The following GANC variants were observed in gnomAD, a reference collection of about 807,000 sequenced individuals.
The protein encoded by GANC is neutral alpha-glucosidase C.
Under a neutral mutation model 124.2 loss-of-function variants are expected in GANC, and 117 were observed. The observed-to-expected ratio is 0.94, with a 90% CI of 0.81 to 1.10. GANC has a LOEUF of 1.10. GANC is among the 50% of genes least tolerant of loss of function. The probability of loss-of-function intolerance (pLI) is 0.00; values close to 1 mark genes in which losing one functional copy is unlikely to be tolerated. For synonymous variants in GANC, 377 were observed against 376.8 expected, an observed-to-expected ratio of 1.00 and a Z score of -0.01; for missense variants, 1,140 against 1,095.0, an observed-to-expected ratio of 1.04 and a Z score of -0.58.
At chr15:42,335,279 C>G (rs2412703) in intron 15 of GANC, among the ~76,000 whole-genome samples, 42,504 of 151,914 alleles carry the variant, frequency 0.28, 8,752 homozygotes, top group African/African-American at 0.58. Flanking sequence ...GATCAAGAAG[C>G]CTTTATCATT....
chr15:42,305,503 G>T (rs548157565), intron 6 of GANC, among the ~76,000 whole-genome samples: 1 of 152,368 alleles, frequency 6.6e-6, no homozygotes, highest in South Asian at 2.1e-4. Context: ...GTTGGTGGGA[G>T]TGTAAATTAG....
At position 42,326,348 on chromosome 15, in the gene GANC, A is replaced by G. The variant is rs191379575; in HGVS notation, c.1344A>G (p.Val448=). Residue 448 remains valine, a synonymous_variant, in exon 12 of 24, where the codon GTA becomes GTG. Transcript: ENST00000318010. ...PHIKIDPDYS[V]YVKAKDQGFF... ...TCAAGATTGATCCTGACTACTCAGT[A>G]TATGTGAAGGCCAAAGATCAGGGCT... The G allele has an allele frequency of 1.9e-6, 3 of 1,614,126 alleles. No homozygotes were observed. The highest frequency in any genetic ancestry group is 2.2e-5 in the East Asian group (1 of 44,872).
chr15:42,313,775 A>G (rs1180713765), intron 10 of GANC: 2 of 386,106 alleles, frequency 5.2e-6, no homozygotes, highest in Non-Finnish European at 9.4e-6. Flanking sequence ...TCTGTTTATA[A>G]TGGTGACATG....
At chr15:42,306,671 C>A in intron 7 of GANC, 59 bp downstream of exon 7, 1 of 1,214,110 alleles carries the variant, frequency 8.2e-7, no homozygotes, top group Non-Finnish European at 1.2e-6. Context: ...CTACATAATT[C>A]TATCAAAAAG....
intron 10 of GANC, among the ~76,000 whole-genome samples, chr15:42,315,567 A>G (rs1298024916): frequency 6.6e-6 from 1 of 152,228 alleles, no homozygotes; most frequent in East Asian, 1.9e-4. Context: ...CATTGCAGAA[A>G]AGTTTGGCAT....
chr15:42,348,356 G>T lies in GANC; in HGVS notation c.2418+140G>T, dbSNP rs550268918. ...AGGTTTGAATCATTTCTGAATCATT[G>T]TTCAGCTTGTCTGCCTTCCTTGGAA... On this transcript the variant is annotated intron_variant, in intron 21 of 23. Transcript: ENST00000318010. 5 of 619,142 alleles carry T rather than the reference G, an allele frequency of 8.1e-6. No individual in the cohort carries two copies. In the South Asian group the frequency reaches 1.0e-4, roughly 13 times the overall value. The allele number at this position is 619,142 out of a possible 1,614,324, so 38.4% of individuals were successfully genotyped here.
chr15:42,330,762 T>C, intron 15 of GANC, 90 bp downstream of exon 15: 3 of 639,174 alleles, frequency 4.7e-6, no homozygotes, highest in Non-Finnish European at 7.5e-6. Flanking sequence ...GCTGATGCCT[T>C]CCTTTTCCTT....
chr15:42,281,010 C>T, intron 3 of GANC: 2 of 702,556 alleles, frequency 2.8e-6, no homozygotes, highest in South Asian at 1.5e-5. Flanking sequence ...CAGCACAAGA[C>T]AGCACCTGGC....
chr15:42,321,135 T>A (rs1420676184), intron 10 of GANC, among the ~76,000 whole-genome samples: 1 of 152,206 alleles, frequency 6.6e-6, no homozygotes, highest in Non-Finnish European at 1.5e-5. Flanking sequence ...AACTTCAGTT[T>A]CTTTACCTTT....
chr15:42,278,114 T>C, intron 2 of GANC: 1 of 324,300 alleles, frequency 3.1e-6, no homozygotes, highest in South Asian at 2.3e-5. Flanking sequence ...CACTAGATTA[T>C]ATTTAATATC....
chr15:42,287,527 G>A (rs1043232846), intron 3 of GANC, among the ~76,000 whole-genome samples, 164 bp from the exon 4 acceptor site: 1 of 152,034 alleles, frequency 6.6e-6, no homozygotes, highest in Non-Finnish European at 1.5e-5. Context: ...AGTCAAGCAA[G>A]TACATACATA....
chr15:42,277,255 G>A (rs2051680397), intron 2 of GANC, among the ~76,000 whole-genome samples: 1 of 152,110 alleles, frequency 6.6e-6, no homozygotes, highest in African/African-American at 2.4e-5. Context: ...GCCTGGCTGG[G>A]CGAGGTGGCT....
chr15:42,308,323 G>A lies in GANC; in HGVS notation c.722+5G>A. On this transcript the variant is annotated splice_donor_5th_base_variant and intron_variant, in intron 8 of 23. Coordinates refer to ENST00000318010, the MANE Select transcript of GANC (RefSeq NM_198141.3). ...ACACCAACTTAAAAATACTGGGTAA[G>A]TGAAAACAAGAATTCTTATGGGAGT... 1 of 1,566,728 alleles carries A rather than the reference G, an allele frequency of 6.4e-7. No homozygotes were observed. The highest frequency in any genetic ancestry group is 8.8e-7 in the Non-Finnish European group (1 of 1,139,404).
In GANC at chr15:42,329,344, T is replaced by A. The variant is rs1208405745; in HGVS notation, c.1539T>A (p.Asn513Lys). 6.2e-7 allele frequency: 1 copy of A among 1,614,034 alleles called. No homozygotes were observed. Among genetic ancestry groups the A allele is most frequent in the Admixed American group, 1.7e-5 (1 of 59,986 alleles). The change falls in exon 14 of 24, where the codon AAT (asparagine) becomes AAA (lysine). Residue 513 changes from asparagine (N) to lysine (K), a missense_variant. Coordinates refer to ENST00000318010, the MANE Select transcript of GANC (RefSeq NM_198141.3). ...TCCTCTTCCTTTGGAATGACATGAA[T>A]GAGCCTTCTGTCTTTAGAGGGCCAG... The part of the protein sequence containing the change: ...TDILFLWNDM[N>K]EPSVFRGPEQ...
At chr15:42,333,038 A>ATATTT (rs760603238) in intron 15 of GANC, among the ~76,000 whole-genome samples, 5 of 146,828 alleles carry the variant, frequency 3.4e-5, no homozygotes, top group Non-Finnish European at 7.5e-5. Flanking sequence ...ATATATATAT[A>ATATTT]TTTTTTTTGG....
rs766303614 is a variant in GANC, at chr15:42,353,553, T to C, written c.*1414T>C. On this transcript the variant is annotated 3_prime_UTR_variant, in exon 24 of 24. Coordinates refer to ENST00000318010, the MANE Select transcript of GANC (RefSeq NM_198141.3). ...CTAGATTGTATGTCCCTCAAGAGCA[T>C]GTTCTGTTTCTCTTCTGTCTGACAG... The C allele has an allele frequency of 6.5e-5, 64 of 984,282 alleles. 1 individual carries two copies. Among genetic ancestry groups the C allele is most frequent in the Non-Finnish European group, 7.2e-5 (60 of 828,660 alleles). The allele number at this position is 984,282 out of a possible 1,614,324, so 61.0% of individuals were successfully genotyped here.
chr15:42,352,508 A>T lies in GANC; in HGVS notation c.*369A>T. On this transcript the variant is annotated 3_prime_UTR_variant, in exon 24 of 24. Transcript: ENST00000318010. ...CATTTGCCAGGGCTTGCCTCAGGCC[A>T]TGCAGCATTGGCGCTCTGGCTGCAG... The T allele has an allele frequency of 9.5e-7, 1 of 1,049,346 alleles. No homozygotes were observed. The highest frequency in any genetic ancestry group is 1.2e-6 in the Non-Finnish European group (1 of 867,378). The allele number at this position is 1,049,346 out of a possible 1,614,324, so 65.0% of individuals were successfully genotyped here.
Position 42,350,159 on chromosome 15 carries a change from T to A in GANC, c.2531+664T>A, listed in dbSNP as rs551847059. 3.3e-5 allele frequency among the ~76,000 whole-genome samples: 5 copies of A among 151,098 alleles called. 1 individual carries two copies. The South Asian group carries it at 1.0e-3, about 31-fold the overall frequency. On this transcript the variant is annotated intron_variant, in intron 22 of 23. Coordinates refer to ENST00000318010, the MANE Select transcript of GANC (RefSeq NM_198141.3). ...GAGTCTCCTGCCTCAGCCTCCCAAG[T>A]AGCTGGGATTACAGGCATGCGCCAC...
At chr15:42,282,133 C>A (rs2051740188) in intron 3 of GANC, among the ~76,000 whole-genome samples, 1 of 152,092 alleles carries the variant, frequency 6.6e-6, no homozygotes, top group Admixed American at 6.5e-5. Context: ...CCAGCCTGAC[C>A]AACATGGTAA....
Sources: allele counts gnomAD v4.1 joint callset (sites outside exome capture counted in the v4.1 genomes callset), GRCh38; gene constraint gnomAD v4.1.1; transcripts MANE v1.5; gene names NCBI Gene and HGNC (gene_info 2026-07-23, HGNC 2026-07-21).